Variants in NT5E observed in about 807,000 individuals in gnomAD.
The protein encoded by NT5E is 5'-nucleotidase ecto, also known as 5'-nucleotidase.
Under a neutral mutation model 55.1 loss-of-function variants are expected in NT5E, and 53 were observed. The observed-to-expected ratio is 0.96, with a 90% CI of 0.77 to 1.21. The LOEUF (loss-of-function observed/expected upper bound fraction) is 1.21. Among genes scored for constraint, NT5E ranks in the 50% most tolerant of loss-of-function variants. The pLI is 0.00. For missense variants in NT5E, 683 were observed against 724.3 expected (o/e 0.94, Z 0.65); for synonymous variants, 270 against 278.4 (o/e 0.97, Z 0.30).
intron 3 of NT5E, among the ~76,000 whole-genome samples, chr6:85,483,605 T>C (rs369349277): frequency 1.3e-5 from 2 of 152,240 alleles, no homozygotes; most frequent in African/African-American, 4.8e-5. Flanking sequence ...AGCAAGAAAA[T>C]TGGATGTTAC....
At chr6:85,490,892 TGATTTGGACATCA>T (rs1769768077) in intron 7 of NT5E, 1 of 577,128 alleles carries the variant, frequency 1.7e-6, no homozygotes, top group East Asian at 3.2e-5. Context: ...TTGCCAAGTC[TGATTTGGACATCA>T]GATGGGCCCT....
intron 1 of NT5E, among the ~76,000 whole-genome samples, chr6:85,459,888 A>C (rs1387947723): frequency 1.3e-5 from 2 of 152,234 alleles, no homozygotes; most frequent in Non-Finnish European, 2.9e-5. Context: ...AAGAATGAAG[A>C]TATTCTGAAT....
intron 4 of NT5E, among the ~76,000 whole-genome samples, chr6:85,486,135 T>A (rs1389863836): frequency 6.6e-6 from 1 of 152,154 alleles, no homozygotes; most frequent in Non-Finnish European, 1.5e-5. Flanking sequence ...GATGGTCACA[T>A]GGGGATGAAG....
At chr6:85,455,521 A>G (rs1030095285) in intron 1 of NT5E, among the ~76,000 whole-genome samples, 25 of 152,222 alleles carry the variant, frequency 1.6e-4, no homozygotes, top group African/African-American at 6.0e-4. Flanking sequence ...CATTGCCCCC[A>G]TATCTTGGCC....
intron 2 of NT5E, among the ~76,000 whole-genome samples, chr6:85,469,058 C>T (rs1324731298): frequency 6.6e-6 from 1 of 152,206 alleles, no homozygotes. Context: ...CCTAATCAAG[C>T]CCAGTTCTCC....
At chr6:85,467,026 A>C (rs767862413) in intron 1 of NT5E, 34 bp from the exon 2 acceptor site, 1 of 1,575,698 alleles carries the variant, frequency 6.3e-7, no homozygotes, top group South Asian at 1.1e-5. Context: ...TTTTTAAAGC[A>C]CCTAATTCTT....
rs549479834 is a variant in NT5E at position 85,494,262 on chromosome 6, G to A, written c.*258G>A. ...TAAGTTTACGTGTCCAAATTTTAAT[G>A]AAATTTTACTAACAATTTTAAACCA... On this transcript the variant is annotated 3_prime_UTR_variant, in exon 9 of 9. Transcript: ENST00000257770. 7 of 463,164 alleles carry A rather than the reference G, an allele frequency of 1.5e-5. 1 individual carries two copies. The South Asian group carries it at 2.3e-4, about 15-fold the overall frequency. 28.7% of individuals were successfully genotyped at this position (463,164 alleles called of 1,614,324 possible). A position where few individuals can be genotyped will look rare whatever the true frequency, so the allele number is the denominator to read the frequency against.
At position 85,494,890 on chromosome 6, in the gene NT5E, G is replaced by T. The variant is rs1286560293; in HGVS notation, c.*886G>T. On this transcript the variant is annotated 3_prime_UTR_variant, in exon 9 of 9. Transcript: ENST00000257770. ...CAAGAGCTAAAGAGCATTTACACAT[G>T]TTAAACAGATACTTGTTAAGCATAG... 1 of 152,216 alleles carries T rather than the reference G, an allele frequency of 6.6e-6. No homozygotes were observed. Among genetic ancestry groups the T allele is most frequent in the African/African-American group, 2.4e-5 (1 of 41,446 alleles). 9.4% of individuals were successfully genotyped at this position (152,216 alleles called of 1,614,324 possible). A position where few individuals can be genotyped will look rare whatever the true frequency, so the allele number is the denominator to read the frequency against.
At chr6:85,480,541 C>T (rs1358843955) in intron 3 of NT5E, among the ~76,000 whole-genome samples, 1 of 152,150 alleles carries the variant, frequency 6.6e-6, no homozygotes, top group East Asian at 1.9e-4. Context: ...TGCTCCTAGA[C>T]TAGCAGAAGC....
intron 1 of NT5E, among the ~76,000 whole-genome samples, chr6:85,461,443 C>T (rs923667552): frequency 2.0e-5 from 3 of 151,832 alleles, no homozygotes; most frequent in Non-Finnish European, 3.0e-5. Context: ...AAAAAGCAAG[C>T]GAGCCACAAA....
chr6:85,468,261 C>T (rs553967481), intron 2 of NT5E, among the ~76,000 whole-genome samples: 151 of 152,248 alleles, frequency 9.9e-4, no homozygotes, highest in Non-Finnish European at 1.5e-3. Context: ...GAGCAGCAAG[C>T]GGGTCCTGCA....
intron 1 of NT5E, among the ~76,000 whole-genome samples, chr6:85,461,425 T>TGAACCACAAAAAGCAAGC (rs1293636603): frequency 1.3e-5 from 2 of 152,156 alleles, no homozygotes; most frequent in African/African-American, 4.8e-5. Context: ...AGCAGGAAAT[T>TGAACCACAAAAAGCAAGC]GAACCACAAA....
chr6:85,488,887 T>A (rs1769723824), intron 5 of NT5E, among the ~76,000 whole-genome samples: 1 of 151,846 alleles, frequency 6.6e-6, no homozygotes, highest in Admixed American at 6.6e-5. Context: ...TGGCCTTTTT[T>A]TTTTTTTTTT....
chr6:85,481,328 A>G (rs1233584481), intron 3 of NT5E, among the ~76,000 whole-genome samples: 1 of 152,198 alleles, frequency 6.6e-6, no homozygotes, highest in Non-Finnish European at 1.5e-5. Flanking sequence ...AGATGCTGTG[A>G]AAGCGTATAA....
chr6:85,451,951 G>C (rs1203262830), intron 1 of NT5E, among the ~76,000 whole-genome samples: 1 of 152,186 alleles, frequency 6.6e-6, no homozygotes, highest in Non-Finnish European at 1.5e-5. Flanking sequence ...TGATGCTTTT[G>C]AGCTTATCAG....
intron 3 of NT5E, among the ~76,000 whole-genome samples, chr6:85,474,593 A>G (rs1259055552): frequency 6.6e-6 from 1 of 152,188 alleles, no homozygotes; most frequent in Non-Finnish European, 1.5e-5. Context: ...TTCTGATGAA[A>G]ATCTTCACTT....
chr6:85,464,150 A>G (rs1379244821), intron 1 of NT5E, among the ~76,000 whole-genome samples: 1 of 149,040 alleles, frequency 6.7e-6, no homozygotes, highest in Non-Finnish European at 1.5e-5. Context: ...AGAGGTTAAG[A>G]ACTTTGGAAT....
At chr6:85,489,205 C>T (rs1769731964) in intron 5 of NT5E, among the ~76,000 whole-genome samples, 1 of 152,140 alleles carries the variant, frequency 6.6e-6, no homozygotes, top group African/African-American at 2.4e-5. Flanking sequence ...ATGGGAGGCC[C>T]AGTCCCGACA....
At chr6:85,451,877 AC>A (rs939957233) in intron 1 of NT5E, among the ~76,000 whole-genome samples, 1 of 151,964 alleles carries the variant, frequency 6.6e-6, no homozygotes, top group Non-Finnish European at 1.5e-5. Context: ...TCCCTCCCCA[AC>A]CCCCCACAAC....
Sources: gnomAD v4.1 joint callset for allele counts (sites outside exome capture counted in the v4.1 genomes callset) on GRCh38, gnomAD v4.1.1 for gene constraint, MANE v1.5 for transcripts, NCBI Gene and HGNC (gene_info 2026-07-23, HGNC 2026-07-21) for gene names.